Variants in CNNM1 observed in about 807,000 individuals in gnomAD.
CNNM1 encodes cyclin and CBS domain divalent metal cation transport mediator 1.
In CNNM1, 44 loss-of-function variants were observed where a neutral mutation model predicts 78.8. That is an observed-to-expected ratio of 0.56 (90% CI 0.44 to 0.72). The LOEUF is 0.72. CNNM1 is among the 30% of genes least tolerant of loss of function. The pLI is 0.00. For missense variants in CNNM1, 1,101 were observed against 1,292.2 expected, an observed-to-expected ratio of 0.85 and a Z score of 2.27; for synonymous variants, 584 against 581.5, an observed-to-expected ratio of 1.00 and a Z score of -0.06.
Position 99,330,334 on chromosome 10 carries a change from A to G in CNNM1, c.947A>G (p.Tyr316Cys). Residue 316 changes from tyrosine to cysteine, a missense_variant, in exon 1 of 11, where the codon TAC becomes TGC. Physicochemically the swap from Tyr to Cys is radical, Grantham distance 194. This residue lies in a region of CNNM1 where 476 missense variants were observed against 484.5 expected (regional missense o/e 0.98). Transcript: ENST00000356713. ...GGCTTCGGGGGCACCGGGGAAGACT[A>G]CAGCGAAGAGGGGATCCACTTCCCG... ...PPGFGGTGED[Y>C]SEEGIHFPWL... The G allele has an allele frequency of 1.2e-6, 2 of 1,600,666 alleles. No individual in the cohort carries two copies. Among genetic ancestry groups the G allele is most frequent in the African/African-American group, 2.7e-5 (2 of 74,842 alleles).
intron 2 of CNNM1, among the ~76,000 whole-genome samples, chr10:99,358,101 T>G (rs867786912): frequency 6.6e-5 from 10 of 152,120 alleles, no homozygotes; most frequent in Non-Finnish European, 1.3e-4. Context: ...GTCATGAGAT[T>G]GCCTACTCAC....
At chr10:99,371,406 CCTT>C (rs1472320269) in intron 6 of CNNM1, among the ~76,000 whole-genome samples, 2 of 152,196 alleles carry the variant, frequency 1.3e-5, no homozygotes, top group African/African-American at 2.4e-5. Context: ...CATATTCACT[CCTT>C]CTTTCTTCTC....
chr10:99,362,722 C>T (rs2031483221), intron 4 of CNNM1, among the ~76,000 whole-genome samples: 1 of 152,158 alleles, frequency 6.6e-6, no homozygotes, highest in South Asian at 2.1e-4. Context: ...CTCATCTCTG[C>T]TTGAACATCC....
intron 1 of CNNM1, among the ~76,000 whole-genome samples, chr10:99,339,009 G>C (rs1413818400): frequency 6.6e-6 from 1 of 152,194 alleles, no homozygotes; most frequent in Non-Finnish European, 1.5e-5. Context: ...ACTGAGTTCT[G>C]TATAGACAAC....
chr10:99,357,757 C>T (rs1021985477), intron 2 of CNNM1, 102 bp downstream of exon 2: 1 of 1,190,174 alleles, frequency 8.4e-7, no homozygotes, highest in African/African-American at 1.5e-5. Flanking sequence ...CAGGGCAAAC[C>T]CTGTGCCCTG....
chr10:99,378,152 C>T (rs1327980458), intron 7 of CNNM1, among the ~76,000 whole-genome samples: 4 of 152,010 alleles, frequency 2.6e-5, no homozygotes, highest in Admixed American at 1.3e-4. Context: ...TTAGTAGAGA[C>T]GGGGTTTCAC....
chr10:99,358,136 CCTT>C (rs533173062), intron 2 of CNNM1, among the ~76,000 whole-genome samples: 5 of 152,114 alleles, frequency 3.3e-5, no homozygotes, highest in African/African-American at 9.7e-5. Context: ...ACTGAATACT[CCTT>C]CTTACAAACT....
intron 1 of CNNM1, among the ~76,000 whole-genome samples, chr10:99,354,789 G>C (rs2031074583): frequency 6.6e-6 from 1 of 152,064 alleles, no homozygotes; most frequent in African/African-American, 2.4e-5. Flanking sequence ...AATGAGTAGG[G>C]GACGTAGCAG....
chr10:99,359,016 A>T, intron 2 of CNNM1, among the ~76,000 whole-genome samples: 2 of 138,830 alleles, frequency 1.4e-5, no homozygotes, highest in Admixed American at 6.9e-5. Context: ...AAAAAAAAAA[A>T]AAAAAAAAAA....
chr10:99,366,556 G>C (rs149570597), intron 6 of CNNM1, among the ~76,000 whole-genome samples: 2 of 152,194 alleles, frequency 1.3e-5, no homozygotes, highest in African/African-American at 4.8e-5. Context: ...GGCCAGGACG[G>C]GTGGATCACA....
chr10:99,346,836 C>T (rs1274974671), intron 1 of CNNM1, among the ~76,000 whole-genome samples: 3 of 152,068 alleles, frequency 2.0e-5, no homozygotes, highest in Non-Finnish European at 4.4e-5. Flanking sequence ...CTTGGAACTC[C>T]TGGGCTCAAG....
chr10:99,362,218 C>T lies in CNNM1; in HGVS notation c.1859-9C>T, dbSNP rs754027026. On this transcript the variant is annotated splice_polypyrimidine_tract_variant and intron_variant, in intron 3 of 10. Transcript: ENST00000356713. Reference sequence around the variant, plus strand: ...GCTGATTCCTCCCTTCCCACTCACTCTCCTCTAGAAGTGGAGCCCTTTAAG... The same window carrying T: ...GCTGATTCCTCCCTTCCCACTCACTTTCCTCTAGAAGTGGAGCCCTTTAAG... 3 of 1,599,434 alleles carry T rather than the reference C, an allele frequency of 1.9e-6. No individual in the cohort carries two copies. The highest frequency in any genetic ancestry group is 3.4e-5 in the Admixed American group (2 of 58,050).
chr10:99,365,324 C>T (rs2031578859), intron 6 of CNNM1, among the ~76,000 whole-genome samples: 1 of 152,218 alleles, frequency 6.6e-6, no homozygotes, highest in Non-Finnish European at 1.5e-5. Context: ...GGCAGAGGCT[C>T]AGCCCTTCCT....
chr10:99,337,401 C>T (rs879790336), intron 1 of CNNM1, among the ~76,000 whole-genome samples: 3 of 152,222 alleles, frequency 2.0e-5, no homozygotes, highest in Non-Finnish European at 4.4e-5. Context: ...CACTCCCTGC[C>T]ACAGCTTTAC....
At chr10:99,351,334 C>A (rs192086249) in intron 1 of CNNM1, among the ~76,000 whole-genome samples, 1 of 152,308 alleles carries the variant, frequency 6.6e-6, no homozygotes, top group Admixed American at 6.5e-5. Flanking sequence ...GTTGAATAGT[C>A]AATTACTACT....
chr10:99,390,305 G>A lies in CNNM1; in HGVS notation c.2675-1G>A. The A allele has an allele frequency of 1.2e-6, 2 of 1,609,050 alleles. No individual in the cohort carries two copies. Among genetic ancestry groups the A allele is most frequent in the Non-Finnish European group, 1.7e-6 (2 of 1,177,152 alleles). On this transcript the variant is annotated splice_acceptor_variant, in intron 9 of 10. Coordinates refer to ENST00000356713, the MANE Select transcript of CNNM1 (RefSeq NM_020348.3). LOFTEE classifies it high-confidence loss of function. Reference sequence around the variant, plus strand: ...TTGAGTTCTCTCCTTTCCTTTCTCAGCATCAGATAGTGAATGTTGTAACAT... The same window carrying A: ...TTGAGTTCTCTCCTTTCCTTTCTCAACATCAGATAGTGAATGTTGTAACAT...
At chr10:99,362,525 G>A in intron 4 of CNNM1, 129 bp downstream of exon 4, 1 of 878,748 alleles carries the variant, frequency 1.1e-6, no homozygotes, top group Non-Finnish European at 1.7e-6. Context: ...GGCCAGCTGG[G>A]TGGACATTTC....
At chr10:99,368,775 C>T (rs2031711183) in intron 6 of CNNM1, 1 of 808,114 alleles carries the variant, frequency 1.2e-6, no homozygotes, top group African/African-American at 1.8e-5. Context: ...GAACTAATCA[C>T]TCCAACAGGC....
chr10:99,357,514 A>G lies in CNNM1; in HGVS notation c.1576A>G (p.Lys526Glu). 1 of 1,610,006 alleles carries G rather than the reference A, an allele frequency of 6.2e-7. No homozygotes were observed. The highest frequency in any genetic ancestry group is 8.5e-7 in the Non-Finnish European group (1 of 1,178,770). ...CTGTGATTTCATTTGTTCTCTAGGA[A>G]AATCTCACCTGGCCATTGTCCAGCG... ...DTVLEEFKKG[K>E]SHLAIVQRVN... The change falls in exon 2 of 11, where the codon AAA becomes GAA. Residue 526 changes from lysine (K) to glutamate (E), a missense_variant and splice_region_variant. By Grantham distance (56) the Lys-to-Glu change is moderately conservative. Around this residue, in one of 3 missense-constraint regions of CNNM1, gnomAD observed 277 missense variants for 423.2 expected, o/e 0.65. Transcript: ENST00000356713.
Sources: gnomAD v4.1 joint callset for allele counts (sites outside exome capture counted in the v4.1 genomes callset) on GRCh38, gnomAD v4.1.1 for gene constraint, gnomAD v4.1.1 regional missense constraint, MANE v1.5 for transcripts, NCBI Gene and HGNC (gene_info 2026-07-23, HGNC 2026-07-21) for gene names.